Variants in CMIP observed in about 807,000 individuals in gnomAD.
CMIP encodes the protein c-Maf inducing protein.
CMIP carries 13 observed loss-of-function variants against 97.3 expected under a neutral mutation model. The ratio of observed to expected loss-of-function variants is 0.13; its 90% confidence interval spans 0.09 to 0.21. The LOEUF (loss-of-function observed/expected upper bound fraction) is 0.21. Among genes scored for constraint, CMIP ranks in the 10% least tolerant of loss-of-function variants. The probability of loss-of-function intolerance (pLI) is 1.00; values close to 1 mark genes in which losing one functional copy is unlikely to be tolerated. For synonymous variants in CMIP, 538 were observed against 436.3 expected (o/e 1.23, Z -2.91); for missense variants, 847 against 1,024.9 (o/e 0.83, Z 2.37).
At chr16:81,476,862 C>G (rs1054691152) in intron 1 of CMIP, among the ~76,000 whole-genome samples, 1 of 152,070 alleles carries the variant, frequency 6.6e-6, no homozygotes, top group Non-Finnish European at 1.5e-5. Flanking sequence ...TTTGTCCTTA[C>G]TTCCCGACGT....
At chr16:81,575,000 A>G (rs555720465) in intron 1 of CMIP, among the ~76,000 whole-genome samples, 276 of 152,210 alleles carry the variant, frequency 1.8e-3, no homozygotes, top group Non-Finnish European at 2.8e-3. Flanking sequence ...TGTAATGGGG[A>G]TGGATACTCA....
In CMIP at chr16:81,616,080, G is replaced by T. The variant is rs1330565189; in HGVS notation, c.427-4796G>T. On this transcript the variant is annotated intron_variant, in intron 2 of 20. Transcript: ENST00000537098. The surrounding 1 kb of genome is among the most constrained non-coding windows in gnomAD (Gnocchi z 4.7). ...CCTCCCTGGAAGGAGGCGCAGGAGAGTTCCGCATCGAGACTGTCCTCAGCC... is the reference window on the plus strand; with the variant it reads ...CCTCCCTGGAAGGAGGCGCAGGAGATTTCCGCATCGAGACTGTCCTCAGCC... Among the ~76,000 whole-genome samples the T allele has an allele frequency of 6.6e-6, 1 of 152,044 alleles. No individual in the cohort carries two copies. Among genetic ancestry groups the T allele is most frequent in the Non-Finnish European group, 1.5e-5 (1 of 68,006 alleles).
intron 10 of CMIP, among the ~76,000 whole-genome samples, chr16:81,687,879 T>C (rs1905588130): frequency 6.6e-6 from 1 of 152,260 alleles, no homozygotes; most frequent in South Asian, 2.1e-4. Flanking sequence ...TGCTGTGGCC[T>C]GGCTGTATCA....
intron 3 of CMIP, among the ~76,000 whole-genome samples, chr16:81,640,738 A>ATGTGTGTGTGTGTG (rs751455480): frequency 1.6e-3 from 220 of 139,006 alleles, no homozygotes; most frequent in South Asian, 3.9e-3. Context: ...TCTCTGGAGC[A>ATGTGTGTGTGTGTG]TGTGTGTGTG....
intron 1 of CMIP, among the ~76,000 whole-genome samples, chr16:81,565,286 G>A (rs977229731): frequency 6.6e-6 from 1 of 152,184 alleles, no homozygotes; most frequent in African/African-American, 2.4e-5. Flanking sequence ...CCACTGGGTG[G>A]CAGTGGGCTT....
intron 2 of CMIP, among the ~76,000 whole-genome samples, chr16:81,617,787 T>C (rs2091939831): frequency 6.6e-6 from 1 of 152,240 alleles, no homozygotes; most frequent in Non-Finnish European, 1.5e-5. Context: ...TTCATTCCTT[T>C]GTTCATTCAT....
At chr16:81,702,032 C>T (rs1907475213) in intron 16 of CMIP, among the ~76,000 whole-genome samples, 1 of 152,262 alleles carries the variant, frequency 6.6e-6, no homozygotes, top group Non-Finnish European at 1.5e-5. Context: ...ATTGCCCACC[C>T]TCCCTCCTCC....
intron 1 of CMIP, among the ~76,000 whole-genome samples, chr16:81,474,272 G>A (rs1246778211): frequency 1.3e-5 from 2 of 152,042 alleles, no homozygotes; most frequent in African/African-American, 4.8e-5. Context: ...AAGTTGAGTT[G>A]TCTGTCACTG....
intron 1 of CMIP, among the ~76,000 whole-genome samples, chr16:81,581,033 C>G (rs2091287939): frequency 6.6e-6 from 1 of 152,134 alleles, no homozygotes; most frequent in Non-Finnish European, 1.5e-5. Flanking sequence ...AGTACATGGT[C>G]TTTTTCCACT....
chr16:81,457,171 C>T (rs1004652564), intron 1 of CMIP, among the ~76,000 whole-genome samples: 3 of 150,944 alleles, frequency 2.0e-5, no homozygotes, highest in Non-Finnish European at 2.9e-5. Flanking sequence ...TGGAACCCCT[C>T]CGACCCCCCC....
chr16:81,558,606 GT>G (rs1215752153), intron 1 of CMIP, among the ~76,000 whole-genome samples: 1 of 152,220 alleles, frequency 6.6e-6, no homozygotes, highest in Non-Finnish European at 1.5e-5. Context: ...CTGGCTTGGA[GT>G]GAGCAAGGGG....
rs10629229 is a variant in CMIP, at chr16:81,568,039, G to GTGTTT, written c.301-39527_301-39526insGTTTT. ...TGAGCTTTTCAGTGTGTGTGTGTGT[G>GTGTTT]TTTTTTTTTTTTTTTTTTTTTGAAG... On this transcript the variant is annotated intron_variant, in intron 1 of 20. Coordinates refer to ENST00000537098, the MANE Select transcript of CMIP (RefSeq NM_198390.3). Among the ~76,000 whole-genome samples the GTGTTT allele has an allele frequency of 3.3e-3, 273 of 82,562 alleles. 4 individuals are homozygous for GTGTTT. Among genetic ancestry groups the GTGTTT allele is most frequent in the African/African-American group, 0.012 (262 of 21,356 alleles). 54.2% of individuals were successfully genotyped at this position (82,562 alleles called of 152,430 possible). A position where few individuals can be genotyped will look rare whatever the true frequency, so the allele number is the denominator to read the frequency against.
chr16:81,691,701 A>G (rs1342541030), intron 10 of CMIP, 74 bp from the exon 11 acceptor site: 1 of 1,288,016 alleles, frequency 7.8e-7, no homozygotes. Flanking sequence ...CTTTTGGCCC[A>G]TCTGGGACCA....
intron 1 of CMIP, among the ~76,000 whole-genome samples, chr16:81,602,697 G>A (rs1018558630): frequency 1.3e-5 from 2 of 152,106 alleles, no homozygotes; most frequent in African/African-American, 4.8e-5. Flanking sequence ...TGCTCTTAAC[G>A]TTTAGGAAAA....
intron 14 of CMIP, 126 bp downstream of exon 14, chr16:81,696,793 A>T: frequency 1.3e-6 from 1 of 790,906 alleles, no homozygotes; most frequent in Non-Finnish European, 2.0e-6. Context: ...CACAGTGCTG[A>T]TCATGAAGGT....
At chr16:81,459,202 C>T (rs1251858715) in intron 1 of CMIP, among the ~76,000 whole-genome samples, 3 of 152,186 alleles carry the variant, frequency 2.0e-5, no homozygotes, top group African/African-American at 7.2e-5. Context: ...CAGGAATACC[C>T]GATGTCAATA....
rs891402092 is a variant in CMIP at position 81,445,670 on chromosome 16, G to A, written c.300+129G>A. 7 of 1,052,606 alleles carry A rather than the reference G, an allele frequency of 6.7e-6. No homozygotes were observed. In the African/African-American group the frequency reaches 1.1e-4, roughly 17 times the overall value. The allele number at this position is 1,052,606 out of a possible 1,614,324, so 65.2% of individuals were successfully genotyped here. A position where few individuals can be genotyped will look rare whatever the true frequency, so the allele number is the denominator to read the frequency against. ...GCGGTGGGGGGTGCCGGGGGAACGG[G>A]GAGAACCAGGGCGCCTCGCTCCTGG... is the stretch of plus-strand genomic sequence containing the variant. On this transcript the variant is annotated intron_variant, in intron 1 of 20. Coordinates refer to ENST00000537098, the MANE Select transcript of CMIP (RefSeq NM_198390.3).
rs2091985889 is a variant in CMIP at position 81,621,067 on chromosome 16, TAA to T, written c.477+142_477+143del. The T allele has an allele frequency of 1.1e-6, 1 of 942,854 alleles. No individual in the cohort carries two copies. Among genetic ancestry groups the T allele is most frequent in the South Asian group, 1.6e-5 (1 of 62,476 alleles). The allele number at this position is 942,854 out of a possible 1,614,324, so 58.4% of individuals were successfully genotyped here. On this transcript the variant is annotated intron_variant, in intron 3 of 20. Transcript: ENST00000537098. The surrounding 1 kb of genome is among the most constrained non-coding windows in gnomAD (Gnocchi z 4.1). Reference sequence around the variant, plus strand: ...AGCTGAGGAACTTTGTTCCCCTACCTAAGAGCCCCTGGCCCTTCGTCCTCTGC... The same window carrying T: ...AGCTGAGGAACTTTGTTCCCCTACCTGAGCCCCTGGCCCTTCGTCCTCTGC...
At chr16:81,675,464 C>A (rs1425967700) in intron 9 of CMIP, among the ~76,000 whole-genome samples, 4 of 151,824 alleles carry the variant, frequency 2.6e-5, no homozygotes, top group Non-Finnish European at 4.4e-5. Context: ...AGTGAAATGC[C>A]CCCCTTAGCC....
Sources: allele counts gnomAD v4.1 joint callset (sites outside exome capture counted in the v4.1 genomes callset), GRCh38; gene constraint gnomAD v4.1.1; non-coding constraint Gnocchi (gnomAD v3.1); transcripts MANE v1.5; gene names NCBI Gene and HGNC (gene_info 2026-07-23, HGNC 2026-07-21).